Variants in SNX8 observed in about 807,000 individuals in gnomAD.
The protein encoded by SNX8 is sorting nexin 8, also known as sorting nexin-8.
Under a neutral mutation model 51.6 loss-of-function variants are expected in SNX8, and 25 were observed. The observed-to-expected ratio is 0.48, with a 90% confidence interval of 0.35 to 0.68. SNX8 has a LOEUF of 0.68. SNX8 is among the 30% of genes least tolerant of loss of function. The probability of loss-of-function intolerance (pLI) is 0.00; values close to 1 mark genes in which losing one functional copy is unlikely to be tolerated. For synonymous variants in SNX8, 324 were observed against 277.0 expected (o/e 1.17, Z -1.68); for missense variants, 695 against 624.0 (o/e 1.11, Z -1.21).
chr7:2,306,077 G>C (rs537141029), intron 1 of SNX8, among the ~76,000 whole-genome samples: 25 of 152,230 alleles, frequency 1.6e-4, no homozygotes, highest in African/African-American at 5.5e-4. Context: ...AGGCTCTGTA[G>C]GGTCTCCCAA....
At chr7:2,294,177 C>T (rs1481606763) in intron 1 of SNX8, among the ~76,000 whole-genome samples, 1 of 150,808 alleles carries the variant, frequency 6.6e-6, no homozygotes, top group Non-Finnish European at 1.5e-5. Context: ...GCCAGAGAAT[C>T]GTTTGAACCT....
rs987212785 is a variant in SNX8, at chr7:2,271,962, T to G, written c.428A>C (p.Glu143Ala). ...PPKRMLGADR[E>A]FIEARRRALK... ...GGCTCTCCTCCTGGCCTCGATGAACTCCCTGTCAGCTGGAGGAGCACACGG... is the reference window on the plus strand; with the variant it reads ...GGCTCTCCTCCTGGCCTCGATGAACGCCCTGTCAGCTGGAGGAGCACACGG... Residue 143 changes from glutamate to alanine, a missense_variant, in exon 4 of 11, where the codon GAG becomes GCG. Transcript: ENST00000222990. 5 of 1,613,772 alleles carry G rather than the reference T, an allele frequency of 3.1e-6. No individual in the cohort carries two copies. Among genetic ancestry groups the G allele is most frequent in the Non-Finnish European group, 3.4e-6 (4 of 1,179,962 alleles).
upstream of SNX8, among the ~76,000 whole-genome samples, chr7:2,315,174 A>C (rs919402214): frequency 6.6e-6 from 1 of 150,872 alleles, no homozygotes; most frequent in Non-Finnish European, 1.5e-5. Flanking sequence ...TCATCCAGCC[A>C]CTCACTCACT....
At chr7:2,340,970 G>A (rs988527739) in intron 1 of SNX8, among the ~76,000 whole-genome samples, 1 of 150,704 alleles carries the variant, frequency 6.6e-6, no homozygotes, top group Non-Finnish European at 1.5e-5. Context: ...GGTCACTTGA[G>A]CCCAGGAATT....
chr7:2,353,044 G>A (rs1379348814), intron 1 of SNX8, among the ~76,000 whole-genome samples: 1 of 151,940 alleles, frequency 6.6e-6, no homozygotes, highest in Non-Finnish European at 1.5e-5. Flanking sequence ...CTATAGTCCC[G>A]GCACTTTGGG....
intron 1 of SNX8, among the ~76,000 whole-genome samples, chr7:2,282,486 C>A (rs2115146709): frequency 6.6e-6 from 1 of 152,360 alleles, no homozygotes; most frequent in South Asian, 2.1e-4. Context: ...ATCCTTTCAG[C>A]CTCACAAGTC....
At chr7:2,258,410 G>A (rs1466860108) in intron 7 of SNX8, among the ~76,000 whole-genome samples, 2 of 152,120 alleles carry the variant, frequency 1.3e-5, no homozygotes, top group Non-Finnish European at 2.9e-5. Context: ...CCTTTCTCAG[G>A]CCTTCGCAAA....
chr7:2,293,876 C>T (rs1368332833), intron 1 of SNX8, among the ~76,000 whole-genome samples: 1 of 151,442 alleles, frequency 6.6e-6, no homozygotes, highest in Admixed American at 6.6e-5. Flanking sequence ...GGCAGAACTG[C>T]TTGAACTGGT....
chr7:2,347,478 C>T (rs1275995873), intron 1 of SNX8, among the ~76,000 whole-genome samples: 2 of 57,146 alleles, frequency 3.5e-5, no homozygotes, highest in African/African-American at 7.2e-5. Context: ...AAGATGCTGT[C>T]TCAAAAAAAA....
intron 1 of SNX8, among the ~76,000 whole-genome samples, chr7:2,291,143 A>G (rs1472639703): frequency 6.6e-6 from 1 of 151,840 alleles, no homozygotes; most frequent in African/African-American, 2.4e-5. Flanking sequence ...CAAAAAAAAG[A>G]AAAAAAACCA....
chr7:2,312,321 C>G (rs1796674268), intron 1 of SNX8, among the ~76,000 whole-genome samples: 1 of 152,154 alleles, frequency 6.6e-6, no homozygotes, highest in Non-Finnish European at 1.5e-5. Flanking sequence ...CAGTCCCCTA[C>G]ACCTGCAGAG....
chr7:2,326,407 T>C (rs1778621875), intron 1 of SNX8, among the ~76,000 whole-genome samples: 2 of 152,130 alleles, frequency 1.3e-5, no homozygotes, highest in South Asian at 4.1e-4. Flanking sequence ...GGCTCACGCC[T>C]GTAATCCCAG....
chr7:2,257,006 C>G lies in SNX8; in HGVS notation c.1152G>C (p.Gln384His). ...AGAAGTAGTTCCGCAGCTCCATCGT[C>G]TGAATCGCGTTCTCCTGCTGCGGAG... is the stretch of plus-strand genomic sequence containing the variant. The part of the protein sequence containing the change: ...SRIVEQENAI[Q>H]TMELRNYFSL... Residue 384 changes from glutamine (Q) to histidine (H), a missense_variant, in exon 10 of 11, where the codon CAG (glutamine) becomes CAC (histidine). Transcript: ENST00000222990. The G allele has an allele frequency of 1.2e-6, 2 of 1,608,618 alleles. No individual in the cohort carries two copies. Among genetic ancestry groups the G allele is most frequent in the South Asian group, 2.2e-5 (2 of 90,764 alleles).
At chr7:2,343,833 A>G (rs1311595083) in intron 1 of SNX8, among the ~76,000 whole-genome samples, 1 of 151,960 alleles carries the variant, frequency 6.6e-6, no homozygotes, top group African/African-American at 2.4e-5. Context: ...AGCCTGACCA[A>G]CATGGAGAAA....
intron 1 of SNX8, among the ~76,000 whole-genome samples, chr7:2,346,080 T>G (rs1356324031): frequency 6.6e-6 from 1 of 152,178 alleles, no homozygotes; most frequent in Non-Finnish European, 1.5e-5. Context: ...GTGCTGGGAT[T>G]ACAGGCGTGA....
rs534437850 is a variant in SNX8, at chr7:2,351,806, G to A, written c.-66+2416C>T. ...AGATAGCACCACTGCACTCCAGCCTGGGCGACAGAGTGAGACTCCATCTCA... is the reference window on the plus strand; with the variant it reads ...AGATAGCACCACTGCACTCCAGCCTAGGCGACAGAGTGAGACTCCATCTCA... On this transcript the variant is annotated intron_variant, in intron 1 of 5. Transcript: ENST00000435336. Among the ~76,000 whole-genome samples, 5 of 151,782 alleles carry A rather than the reference G, an allele frequency of 3.3e-5. No individual in the cohort carries two copies. In the South Asian group the frequency reaches 8.3e-4, roughly 25 times the overall value.
rs1192101001 is a variant in SNX8, at chr7:2,288,719, T to C, written c.95-10414A>G. Reference sequence around the variant, plus strand: ...TGACTTCTCAAGCTCAGGGGTTTTTTGGGGGTTTGCCTGTTTTGGGGTTTT... The same window carrying C: ...TGACTTCTCAAGCTCAGGGGTTTTTCGGGGGTTTGCCTGTTTTGGGGTTTT... On this transcript the variant is annotated intron_variant, in intron 1 of 10. Coordinates refer to ENST00000222990, the MANE Select transcript of SNX8 (RefSeq NM_013321.4). 3.3e-5 allele frequency among the ~76,000 whole-genome samples: 5 copies of C among 152,158 alleles called. No individual in the cohort carries two copies. In the East Asian group the frequency reaches 9.6e-4, roughly 29 times the overall value.
rs578163870 is a variant in SNX8, at chr7:2,266,251, C to G, written c.622-1793G>C. ...CCAGGCTGGAGTGCAATGGCACGAC[C>G]TGGGCTCACTGCAGCCTCTGCCTCC... On this transcript the variant is annotated intron_variant, in intron 5 of 10. Transcript: ENST00000222990. 1.7e-4 allele frequency among the ~76,000 whole-genome samples: 26 copies of G among 152,296 alleles called. No individual in the cohort carries two copies. In the East Asian group the frequency reaches 4.8e-3, roughly 28 times the overall value.
At chr7:2,311,463 TC>T (rs1410811360) in intron 1 of SNX8, among the ~76,000 whole-genome samples, 1 of 152,104 alleles carries the variant, frequency 6.6e-6, no homozygotes, top group Non-Finnish European at 1.5e-5. Context: ...GCTCGGGCGA[TC>T]CTCCCTCCTC....
Sources: allele counts gnomAD v4.1 joint callset (sites outside exome capture counted in the v4.1 genomes callset), GRCh38; gene constraint gnomAD v4.1.1; transcripts MANE v1.5; gene names NCBI Gene and HGNC (gene_info 2026-07-23, HGNC 2026-07-21).